TMEFF1: variants seen among roughly 807,000 people sequenced by gnomAD.
TMEFF1 encodes the protein transmembrane protein with EGF like and two follistatin like domains 1.
TMEFF1 carries 20 observed loss-of-function variants against 47.5 expected under a neutral mutation model. The observed-to-expected ratio is 0.42, with a 90% CI of 0.30 to 0.61. TMEFF1 has a LOEUF of 0.61. Among genes scored for constraint, TMEFF1 ranks in the 20% least tolerant of loss-of-function variants. The pLI is 0.19. For synonymous variants in TMEFF1, 162 were observed against 166.3 expected (o/e 0.97, Z 0.20); for missense variants, 411 against 471.1 (o/e 0.87, Z 1.18).
chr9:100,499,570 C>T (rs546619097), intron 2 of TMEFF1, among the ~76,000 whole-genome samples: 140 of 152,198 alleles, frequency 9.2e-4, no homozygotes, highest in Non-Finnish European at 7.8e-4. Context: ...CAATTTTATT[C>T]TAAACGTACC....
chr9:100,514,713 G>T (rs1182191935), intron 4 of TMEFF1, among the ~76,000 whole-genome samples: 1 of 148,610 alleles, frequency 6.7e-6, no homozygotes, highest in Non-Finnish European at 1.5e-5. Flanking sequence ...AAAAACAAAA[G>T]GCCGGGCACA....
At chr9:100,534,048 G>C (rs1838457442) in intron 5 of TMEFF1, among the ~76,000 whole-genome samples, 1 of 152,136 alleles carries the variant, frequency 6.6e-6, no homozygotes, top group Admixed American at 6.5e-5. Flanking sequence ...AAACTTTGAG[G>C]TGAGGGATGG....
At chr9:100,521,678 A>G (rs1386474622) in intron 5 of TMEFF1, among the ~76,000 whole-genome samples, 6 of 152,186 alleles carry the variant, frequency 3.9e-5, no homozygotes, top group Admixed American at 3.3e-4. Context: ...AGTACCTTTT[A>G]TATACCCGAC....
chr9:100,531,938 A>T (rs898888069), intron 5 of TMEFF1, among the ~76,000 whole-genome samples: 1 of 150,262 alleles, frequency 6.7e-6, no homozygotes, highest in Non-Finnish European at 1.5e-5. Context: ...ATAACGCCGC[A>T]TATCTACAAC....
chr9:100,535,695 C>T (rs1037958093), intron 5 of TMEFF1, among the ~76,000 whole-genome samples: 16 of 152,122 alleles, frequency 1.1e-4, no homozygotes, highest in Admixed American at 3.9e-4. Context: ...ACCTGGGAGG[C>T]GGAGGTTGCA....
chr9:100,572,667 G>A lies in TMEFF1; in HGVS notation c.1049G>A (p.Cys350Tyr). 6.2e-7 allele frequency: 1 copy of A among 1,607,328 alleles called. No homozygotes were observed. Among genetic ancestry groups the A allele is most frequent in the South Asian group, 1.1e-5 (1 of 89,274 alleles). ...QIAIIVAIVMCITRKCPKNNR... is the reference protein window; with the variant it reads ...QIAIIVAIVMYITRKCPKNNR... Reference sequence around the variant, plus strand: ...GCCATCATAGTAGCAATTGTAATGTGCATAACAAGGTAGGTAATGATGTAA... The same window carrying A: ...GCCATCATAGTAGCAATTGTAATGTACATAACAAGGTAGGTAATGATGTAA... The change falls in exon 9 of 10, where the codon TGC becomes TAC. Residue 350 changes from cysteine to tyrosine, a missense_variant. Physicochemically the swap from Cys to Tyr is radical, Grantham distance 194. Coordinates refer to ENST00000374879, the MANE Select transcript of TMEFF1 (RefSeq NM_003692.5).
In TMEFF1 at chr9:100,564,590, G is replaced by A. The variant is rs1273671785; in HGVS notation, c.899+3070G>A. On this transcript the variant is annotated intron_variant, in intron 8 of 9. Transcript: ENST00000374879. Reference sequence around the variant, plus strand: ...GAGGCGATTTGGGACTTCAGAAAAGGCACATCAGCCTGAAGATGGGTGGGG... The same window carrying A: ...GAGGCGATTTGGGACTTCAGAAAAGACACATCAGCCTGAAGATGGGTGGGG... Among the ~76,000 whole-genome samples, 3 of 152,102 alleles carry A rather than the reference G, an allele frequency of 2.0e-5. No homozygotes were observed. In the East Asian group the frequency reaches 5.8e-4, roughly 29 times the overall value.
intron 8 of TMEFF1, among the ~76,000 whole-genome samples, chr9:100,567,336 C>T (rs377066740): frequency 3.3e-5 from 5 of 152,272 alleles, no homozygotes; most frequent in East Asian, 1.9e-4. Flanking sequence ...TTAACCTACC[C>T]GGATTGCCTT....
intron 1 of TMEFF1, among the ~76,000 whole-genome samples, chr9:100,491,096 A>C (rs1162440858): frequency 6.6e-6 from 1 of 152,126 alleles, no homozygotes; most frequent in African/African-American, 2.4e-5. Flanking sequence ...ATATTCTATA[A>C]TATACATCTT....
chr9:100,507,309 T>G (rs1837882342), intron 2 of TMEFF1, among the ~76,000 whole-genome samples: 1 of 152,214 alleles, frequency 6.6e-6, no homozygotes, highest in Non-Finnish European at 1.5e-5. Flanking sequence ...TGAATAGTGC[T>G]GCGATGAACA....
At chr9:100,497,619 A>G (rs1323110114) in intron 1 of TMEFF1, among the ~76,000 whole-genome samples, 1 of 152,000 alleles carries the variant, frequency 6.6e-6, no homozygotes, top group Non-Finnish European at 1.5e-5. Flanking sequence ...GTGGGAATAA[A>G]TGGGGTAGAG....
intron 5 of TMEFF1, among the ~76,000 whole-genome samples, chr9:100,527,483 G>A (rs1028452292): frequency 6.6e-6 from 1 of 152,144 alleles, no homozygotes; most frequent in Non-Finnish European, 1.5e-5. Flanking sequence ...GGTGACAGAC[G>A]GCACCTGGAA....
At chr9:100,542,226 T>C (rs1258645213) in intron 5 of TMEFF1, among the ~76,000 whole-genome samples, 2 of 152,200 alleles carry the variant, frequency 1.3e-5, no homozygotes, top group Non-Finnish European at 2.9e-5. Context: ...TAAATTTCCT[T>C]AATGTCACTG....
intron 1 of TMEFF1, among the ~76,000 whole-genome samples, chr9:100,491,466 G>C (rs1837551579): frequency 6.6e-6 from 1 of 152,186 alleles, no homozygotes; most frequent in Non-Finnish European, 1.5e-5. Flanking sequence ...ATGAATTAAA[G>C]TTTTCCACAT....
chr9:100,507,864 GT>G (rs1460363739), intron 2 of TMEFF1, among the ~76,000 whole-genome samples: 5 of 151,416 alleles, frequency 3.3e-5, no homozygotes, highest in African/African-American at 4.9e-5. Flanking sequence ...TGTAATAAAT[GT>G]TTGTCTACAA....
At chr9:100,475,298 T>G (rs1209850392) in intron 1 of TMEFF1, among the ~76,000 whole-genome samples, 2 of 152,170 alleles carry the variant, frequency 1.3e-5, no homozygotes, top group African/African-American at 2.4e-5. Context: ...GGTAATGTTT[T>G]ATGAGGGGAA....
At position 100,497,327 on chromosome 9, in the gene TMEFF1, T is replaced by TTTTTTTTTTTTTTTTTTG; in HGVS notation, c.197-1437_197-1420dup. Reference sequence around the variant, plus strand: ...TTAAGTTTCCACTCATGTCTTTTTTTTTTTTTTTTTTTTTTTTGGTGAGTG... The same window carrying TTTTTTTTTTTTTTTTTTG: ...TTAAGTTTCCACTCATGTCTTTTTTTTTTTTTTTTTTTTTTTTGTTTTTTTTTTTTTTTTTGGTGAGTG... On this transcript the variant is annotated intron_variant, in intron 1 of 9. Coordinates refer to ENST00000374879, the MANE Select transcript of TMEFF1 (RefSeq NM_003692.5). 1.4e-5 allele frequency among the ~76,000 whole-genome samples: 2 copies of TTTTTTTTTTTTTTTTTTG among 147,706 alleles called. 1 individual carries two copies. The highest frequency in any genetic ancestry group is 3.0e-5 in the Non-Finnish European group (2 of 66,904).
chr9:100,551,729 A>C (rs1448922181), intron 7 of TMEFF1, among the ~76,000 whole-genome samples: 1 of 152,228 alleles, frequency 6.6e-6, no homozygotes. Context: ...TGGTCATTTT[A>C]CTGTTTGTAG....
chr9:100,515,363 G>T (rs1838046718), intron 4 of TMEFF1, among the ~76,000 whole-genome samples: 1 of 152,092 alleles, frequency 6.6e-6, no homozygotes, highest in East Asian at 1.9e-4. Context: ...ATCTGTTTGG[G>T]AGTATTCATG....
Sources: allele counts gnomAD v4.1 joint callset (sites outside exome capture counted in the v4.1 genomes callset), GRCh38; gene constraint gnomAD v4.1.1; transcripts MANE v1.5; gene names NCBI Gene and HGNC (gene_info 2026-07-23, HGNC 2026-07-21).